SIPA1L3: variants seen among roughly 807,000 people sequenced by gnomAD.
SIPA1L3 encodes the protein signal-induced proliferation-associated 1-like protein 3.
A neutral mutation model predicts 150.1 loss-of-function variants in SIPA1L3; 59 were observed. The observed-to-expected ratio is 0.39, with a 90% CI of 0.32 to 0.49. SIPA1L3 has a LOEUF of 0.49. Ranked by LOEUF, SIPA1L3 falls within the 20% of genes least tolerant of loss-of-function variation. SIPA1L3 has a pLI of 0.86. For synonymous variants in SIPA1L3, 1,070 were observed against 1,077.6 expected (o/e 0.99, Z 0.14); for missense variants, 2,211 against 2,489.5 (o/e 0.89, Z 2.38).
At chr19:38,063,205 C>A (rs577586658) in intron 2 of SIPA1L3, among the ~76,000 whole-genome samples, 6 of 152,146 alleles carry the variant, frequency 3.9e-5, no homozygotes, top group African/African-American at 1.4e-4. Context: ...CCCTCCACCC[C>A]CCTCCCCACT....
intron 1 of SIPA1L3, among the ~76,000 whole-genome samples, chr19:37,956,568 C>T (rs2046813821): frequency 6.8e-6 from 1 of 148,124 alleles, no homozygotes; most frequent in Non-Finnish European, 1.5e-5. Flanking sequence ...ACTGCAATCT[C>T]TGCCTCCCGG....
At position 38,182,751 on chromosome 19, in the gene SIPA1L3, G is replaced by T; in HGVS notation, c.4430+11G>T. The T allele has an allele frequency of 6.3e-7, 1 of 1,595,228 alleles. No homozygotes were observed. The highest frequency in any genetic ancestry group is 1.1e-5 in the South Asian group (1 of 88,962). On this transcript the variant is annotated intron_variant, in intron 16 of 21. Coordinates refer to ENST00000222345, the MANE Select transcript of SIPA1L3 (RefSeq NM_015073.3). ...CAGTGACCCAAAGAAGTAAGTGCCT[G>T]GACGTCCAGCGAGGCGCCCGCCAGA...
At chr19:37,958,800 C>T (rs1489384148) in intron 1 of SIPA1L3, among the ~76,000 whole-genome samples, 2 of 152,130 alleles carry the variant, frequency 1.3e-5, no homozygotes, top group Non-Finnish European at 2.9e-5. Flanking sequence ...CTATAAAGGA[C>T]TTATGTGCTG....
At chr19:38,168,505 AC>A (rs1253762813) in intron 15 of SIPA1L3, among the ~76,000 whole-genome samples, 12 of 152,222 alleles carry the variant, frequency 7.9e-5, no homozygotes, top group African/African-American at 2.6e-4. Context: ...GGAAAAAAAA[AC>A]AAAAACCTGT....
intron 1 of SIPA1L3, among the ~76,000 whole-genome samples, chr19:37,986,360 G>A (rs1967350639): frequency 6.6e-6 from 1 of 152,212 alleles, no homozygotes; most frequent in Non-Finnish European, 1.5e-5. Flanking sequence ...GAGGTGAGAT[G>A]GCTTTCTCTT....
intron 2 of SIPA1L3, among the ~76,000 whole-genome samples, chr19:38,068,097 A>G (rs1360307451): frequency 6.8e-6 from 1 of 146,368 alleles, no homozygotes; most frequent in Non-Finnish European, 1.5e-5. Flanking sequence ...ATCTCGGCTC[A>G]CTGCAAGCTC....
intron 10 of SIPA1L3, among the ~76,000 whole-genome samples, chr19:38,134,770 G>A (rs1230924779): frequency 6.6e-6 from 1 of 150,440 alleles, no homozygotes; most frequent in Admixed American, 6.6e-5. Context: ...GGAGGCGCTC[G>A]AGAGACACTG....
chr19:37,922,080 G>A (rs2046461704), intron 1 of SIPA1L3, among the ~76,000 whole-genome samples: 1 of 152,050 alleles, frequency 6.6e-6, no homozygotes, highest in Admixed American at 6.6e-5. Context: ...TGCTGATGGC[G>A]TGTCTGATTT....
chr19:38,080,969 C>CAA (rs34741674), intron 2 of SIPA1L3, among the ~76,000 whole-genome samples: 2 of 117,524 alleles, frequency 1.7e-5, no homozygotes, highest in African/African-American at 3.1e-5. Flanking sequence ...GACTCTGTCT[C>CAA]AAAAAAAAAA....
chr19:38,165,555 C>A (rs140050027), intron 15 of SIPA1L3, among the ~76,000 whole-genome samples: 116 of 152,256 alleles, frequency 7.6e-4, no homozygotes, highest in Non-Finnish European at 1.3e-3. Flanking sequence ...AAACACTTTC[C>A]CAGAACCCCT....
At position 37,952,568 on chromosome 19, in the gene SIPA1L3, G is replaced by C. The variant is rs530557508; in HGVS notation, c.-379+45210G>C. Among the ~76,000 whole-genome samples, 33 of 152,192 alleles carry C rather than the reference G, an allele frequency of 2.2e-4. No individual in the cohort carries two copies. In the East Asian group the frequency reaches 5.0e-3, roughly 23 times the overall value. On this transcript the variant is annotated intron_variant, in intron 1 of 21. Coordinates refer to ENST00000222345, the MANE Select transcript of SIPA1L3 (RefSeq NM_015073.3). Reference sequence around the variant, plus strand: ...GGCACCTGTAATCCCAGCTACTCAGGGGGCTGAGGCAGGAGAATTCCTTGA... The same window carrying C: ...GGCACCTGTAATCCCAGCTACTCAGCGGGCTGAGGCAGGAGAATTCCTTGA...
chr19:38,129,349 G>A (rs977343415), intron 9 of SIPA1L3, among the ~76,000 whole-genome samples: 2 of 152,170 alleles, frequency 1.3e-5, no homozygotes, highest in Admixed American at 6.5e-5. Flanking sequence ...CACGAGGCCG[G>A]GCATGGTGGC....
intron 1 of SIPA1L3, among the ~76,000 whole-genome samples, chr19:37,914,544 T>C (rs1167347484): frequency 6.6e-6 from 1 of 151,776 alleles, no homozygotes; most frequent in East Asian, 1.9e-4. Flanking sequence ...TAATTTTTTT[T>C]TGGTACTTTT....
Position 37,910,732 on chromosome 19 carries a change from G to A in SIPA1L3, c.-379+3374G>A, listed in dbSNP as rs574708976. 5.3e-5 allele frequency among the ~76,000 whole-genome samples: 8 copies of A among 152,226 alleles called. No individual in the cohort carries two copies. The South Asian group carries it at 1.7e-3, about 32-fold the overall frequency. ...CGATTCTCCTGCCTCAGCCTCCTGA[G>A]TATCTGGGATTACAGGCATATGCCA... is the stretch of plus-strand genomic sequence containing the variant. On this transcript the variant is annotated intron_variant, in intron 1 of 21. Coordinates refer to ENST00000222345, the MANE Select transcript of SIPA1L3 (RefSeq NM_015073.3).
chr19:38,180,215 A>T (rs959661782), intron 15 of SIPA1L3, among the ~76,000 whole-genome samples: 2 of 152,156 alleles, frequency 1.3e-5, no homozygotes, highest in African/African-American at 4.8e-5. Flanking sequence ...TTCATTTTTC[A>T]AGGATGGTTT....
At chr19:37,951,003 C>T (rs1439242959) in intron 1 of SIPA1L3, among the ~76,000 whole-genome samples, 1 of 152,248 alleles carries the variant, frequency 6.6e-6, no homozygotes, top group Non-Finnish European at 1.5e-5. Context: ...CGCCCTACAA[C>T]CATTCACCAT....
At position 37,989,665 on chromosome 19, in the gene SIPA1L3, C is replaced by CTT. The variant is rs74174502; in HGVS notation, c.-378-39407_-378-39406dup. On this transcript the variant is annotated intron_variant, in intron 1 of 21. Coordinates refer to ENST00000222345, the MANE Select transcript of SIPA1L3 (RefSeq NM_015073.3). ...CAGGCCTCCCTGCTTAGGATGAATT[C>CTT]TTTTTTTTTTTTTTTTTTGAGATGG... Among the ~76,000 whole-genome samples, 613 of 127,576 alleles carry CTT rather than the reference C, an allele frequency of 4.8e-3. 14 individuals carry two copies. Among genetic ancestry groups the CTT allele is most frequent in the East Asian group, 9.4e-3 (41 of 4,358 alleles). The allele number at this position is 127,576 out of a possible 152,430, so 83.7% of individuals were successfully genotyped here. A position where few individuals can be genotyped will look rare whatever the true frequency, so the allele number is the denominator to read the frequency against.
chr19:38,083,036 C>T lies in SIPA1L3; in HGVS notation c.1471C>T (p.Gln491Ter). Residue 491 changes from glutamine (Q) to a stop codon, truncating the protein, a stop_gained, in exon 3 of 22, where the codon CAG becomes TAG. Transcript: ENST00000222345. LOFTEE classifies it high-confidence loss of function. ...EQQRTQSRPR[Q>*]YSIEHVDLGA... is the part of the protein sequence containing the mutation. The stretch of plus-strand genomic sequence containing the variant: ...GCAGCGGACGCAGAGTCGGCCCCGG[C>T]AGTACAGCATCGAGCATGTGGACCT... The T allele has an allele frequency of 6.2e-7, 1 of 1,613,108 alleles. No homozygotes were observed. The highest frequency in any genetic ancestry group is 8.5e-7 in the Non-Finnish European group (1 of 1,180,034).
At chr19:38,121,918 CAAAAAA>C (rs908331845) in intron 9 of SIPA1L3, among the ~76,000 whole-genome samples, 1 of 140,114 alleles carries the variant, frequency 7.1e-6, no homozygotes, top group Admixed American at 7.2e-5. Flanking sequence ...GACCCGGACT[CAAAAAA>C]AAAAATGAAA....
Sources: gnomAD v4.1 joint callset for allele counts (sites outside exome capture counted in the v4.1 genomes callset) on GRCh38, gnomAD v4.1.1 for gene constraint, MANE v1.5 for transcripts, NCBI Gene and HGNC (gene_info 2026-07-23, HGNC 2026-07-21) for gene names.